VAV3: variants seen among roughly 807,000 people sequenced by gnomAD.
The protein encoded by VAV3 is vav guanine nucleotide exchange factor 3.
Under a neutral mutation model 131.2 loss-of-function variants are expected in VAV3, and 94 were observed. That is an observed-to-expected ratio of 0.72 (90% CI 0.61 to 0.85). The LOEUF (loss-of-function observed/expected upper bound fraction) is 0.85, where lower values mean the gene tolerates loss of function less well. Ranked by LOEUF, VAV3 falls within the 40% of genes least tolerant of loss-of-function variation. The pLI is 0.00. For synonymous variants in VAV3, 349 were observed against 342.0 expected, an observed-to-expected ratio of 1.02 and a Z score of -0.22; for missense variants, 939 against 1,002.7, an observed-to-expected ratio of 0.94 and a Z score of 0.86.
intron 2 of VAV3, among the ~76,000 whole-genome samples, chr1:107,844,083 G>A (rs1668851088): frequency 6.6e-6 from 1 of 152,060 alleles, no homozygotes; most frequent in Non-Finnish European, 1.5e-5. Flanking sequence ...AACCAATGCA[G>A]AAGGCGGGTG....
intron 1 of VAV3, among the ~76,000 whole-genome samples, chr1:107,876,500 C>A (rs1244845663): frequency 1.3e-5 from 2 of 152,058 alleles, no homozygotes; most frequent in Non-Finnish European, 1.5e-5. Context: ...GGTAACAAAG[C>A]AGAGAAGGAC....
intron 9 of VAV3, among the ~76,000 whole-genome samples, chr1:107,764,759 T>A (rs1664643288): frequency 1.3e-5 from 2 of 152,206 alleles, no homozygotes; most frequent in African/African-American, 4.8e-5. Context: ...TCTTACTATC[T>A]ACGCAAGTTA....
chr1:107,770,302 T>C (rs1022492243), intron 6 of VAV3, among the ~76,000 whole-genome samples: 3 of 151,844 alleles, frequency 2.0e-5, no homozygotes, highest in Non-Finnish European at 4.4e-5. Context: ...TCACTCTCTA[T>C]CTTATGCCCC....
intron 2 of VAV3, among the ~76,000 whole-genome samples, chr1:107,825,395 G>T (rs1667968500): frequency 6.6e-6 from 1 of 151,412 alleles, no homozygotes; most frequent in African/African-American, 2.4e-5. Context: ...ACAAAAATGA[G>T]AATCTATATG....
At position 107,939,547 on chromosome 1, in the gene VAV3, T is replaced by C. The variant is rs1673884041; in HGVS notation, c.204+25119A>G. Among the ~76,000 whole-genome samples, 2 of 152,186 alleles carry C rather than the reference T, an allele frequency of 1.3e-5. 1 individual carries two copies. Among genetic ancestry groups the C allele is most frequent in the South Asian group, 4.1e-4 (2 of 4,822 alleles). ...AATGTAACTGTGATGCCAGCATTTT[T>C]TGGATATAGTGTTTTTTGGTTTTCC... On this transcript the variant is annotated intron_variant, in intron 1 of 26. Transcript: ENST00000370056.
At chr1:107,866,384 GA>G (rs756504869) in intron 2 of VAV3, among the ~76,000 whole-genome samples, 7 of 152,052 alleles carry the variant, frequency 4.6e-5, no homozygotes, top group Non-Finnish European at 1.0e-4. Context: ...AAAATGATCA[GA>G]TCTACATTTT....
At chr1:107,648,227 T>G (rs1343290753) in intron 19 of VAV3, among the ~76,000 whole-genome samples, 1 of 152,056 alleles carries the variant, frequency 6.6e-6, no homozygotes, top group East Asian at 1.9e-4. Flanking sequence ...AAAACAAGGA[T>G]GAGGCAGAGA....
At chr1:107,632,996 T>C (rs1369646487) in intron 20 of VAV3, among the ~76,000 whole-genome samples, 1 of 152,204 alleles carries the variant, frequency 6.6e-6, no homozygotes, top group African/African-American at 2.4e-5. Flanking sequence ...AATGTCTTTT[T>C]GTCTAGAAAG....
intron 2 of VAV3, among the ~76,000 whole-genome samples, chr1:107,825,178 A>G (rs909987443): frequency 2.0e-5 from 3 of 152,180 alleles, no homozygotes; most frequent in African/African-American, 7.2e-5. Flanking sequence ...TTCCTTTCTT[A>G]TCTTTTACAG....
chr1:107,723,797 CT>C (rs1253141312), intron 15 of VAV3, among the ~76,000 whole-genome samples: 1 of 152,110 alleles, frequency 6.6e-6, no homozygotes, highest in African/African-American at 2.4e-5. Flanking sequence ...TGTTTTTCCT[CT>C]GTTGTAAATT....
chr1:107,786,159 C>G (rs12404149), intron 2 of VAV3, among the ~76,000 whole-genome samples: 12,600 of 152,232 alleles, frequency 0.083, 720 homozygotes, highest in South Asian at 0.17. Context: ...ATGGGAAATA[C>G]ATTTCCATTG....
At chr1:107,578,796 C>T in intron 25 of VAV3, 1 of 984,922 alleles carries the variant, frequency 1.0e-6, no homozygotes, top group Non-Finnish European at 1.2e-6. Context: ...ACTATTTTAT[C>T]CATAAAGAAA....
intron 1 of VAV3, among the ~76,000 whole-genome samples, chr1:107,953,287 G>C (rs1461899376): frequency 6.6e-6 from 1 of 152,152 alleles, no homozygotes; most frequent in Non-Finnish European, 1.5e-5. Context: ...TGAGGATTGG[G>C]GAGGCAGTGG....
At chr1:107,797,150 T>C (rs1046130486) in intron 2 of VAV3, among the ~76,000 whole-genome samples, 27 of 152,186 alleles carry the variant, frequency 1.8e-4, no homozygotes, top group African/African-American at 6.5e-4. Flanking sequence ...GTAGGAATTA[T>C]GTCAATTTTA....
chr1:107,713,459 GA>G (rs1053064895), intron 15 of VAV3, among the ~76,000 whole-genome samples: 1 of 151,816 alleles, frequency 6.6e-6, no homozygotes, highest in African/African-American at 2.4e-5. Flanking sequence ...AAGTACCATT[GA>G]AAGTCCATAA....
At chr1:107,697,075 G>A (rs1336294457) in intron 17 of VAV3, among the ~76,000 whole-genome samples, 1 of 152,112 alleles carries the variant, frequency 6.6e-6, no homozygotes. Flanking sequence ...GACCTACCAA[G>A]CTCAAACTCA....
chr1:107,912,082 CGTTA>C (rs991319163), intron 1 of VAV3, among the ~76,000 whole-genome samples: 1 of 152,026 alleles, frequency 6.6e-6, no homozygotes, highest in African/African-American at 2.4e-5. Context: ...TGCGTGTTTA[CGTTA>C]GTTTCCTATG....
chr1:107,874,963 C>T lies in VAV3; in HGVS notation c.259G>A (p.Gly87Arg), dbSNP rs753629432. ...TCGAAAAGTTCACTTTTCCTCATTC[C>T]AAACGTCTCACAACAGGCCGTGAGA... The part of the protein sequence containing the change: ...TFLTACCETF[G>R]MRKSELFEAF... The change falls in exon 2 of 27, where the codon GGA becomes AGA. Residue 87 changes from glycine to arginine, a missense_variant. Gly to Arg is a moderately radical substitution (Grantham distance 125). Transcript: ENST00000370056. The T allele has an allele frequency of 6.2e-7, 1 of 1,613,352 alleles. No homozygotes were observed. Among genetic ancestry groups the T allele is most frequent in the Non-Finnish European group, 8.5e-7 (1 of 1,179,568 alleles).
At chr1:107,937,868 C>T (rs961437581) in intron 1 of VAV3, among the ~76,000 whole-genome samples, 8 of 152,166 alleles carry the variant, frequency 5.3e-5, no homozygotes, top group African/African-American at 1.7e-4. Flanking sequence ...AGTACACTAA[C>T]ATGTCTAGTC....
Sources: gnomAD v4.1 joint callset for allele counts (sites outside exome capture counted in the v4.1 genomes callset) on GRCh38, gnomAD v4.1.1 for gene constraint, MANE v1.5 for transcripts, NCBI Gene and HGNC (gene_info 2026-07-23, HGNC 2026-07-21) for gene names.